ATAD2B: variants seen among roughly 807,000 people sequenced by gnomAD.
ATAD2B encodes the protein ATPase family AAA domain containing 2B.
Under a neutral mutation model 167.6 loss-of-function variants are expected in ATAD2B, and 40 were observed. That is an observed-to-expected ratio of 0.24 (90% CI 0.19 to 0.31). ATAD2B has a LOEUF of 0.31. ATAD2B is among the 10% of genes least tolerant of loss of function. The pLI is 1.00. For synonymous variants in ATAD2B, 579 were observed against 596.5 expected (o/e 0.97, Z 0.43); for missense variants, 1,242 against 1,757.2 (o/e 0.71, Z 5.24).
chr2:23,810,566 C>G (rs1572858676), intron 17 of ATAD2B, 64 bp from the exon 18 acceptor site: 3 of 1,385,692 alleles, frequency 2.2e-6, no homozygotes, highest in Non-Finnish European at 2.0e-6. Context: ...TATGAAATAT[C>G]AGGCAAAATT....
intron 18 of ATAD2B, among the ~76,000 whole-genome samples, chr2:23,802,555 T>C (rs1409486554): frequency 2.6e-5 from 4 of 152,010 alleles, no homozygotes; most frequent in Non-Finnish European, 5.9e-5. Context: ...CTTTTTCTAA[T>C]ATTTTCATTC....
At chr2:23,731,752 T>C in the ATAD2B span, among the ~76,000 whole-genome samples, 1 of 152,214 alleles carries the variant, frequency 6.6e-6, no homozygotes, top group Non-Finnish European at 1.5e-5. Flanking sequence ...CTCAAGCACT[T>C]TGGGATTGAG....
At chr2:23,844,818 AAAT>A (rs1157546097) in intron 13 of ATAD2B, among the ~76,000 whole-genome samples, 1 of 152,116 alleles carries the variant, frequency 6.6e-6, no homozygotes, top group African/African-American at 2.4e-5. Context: ...ACGACAGAAA[AAAT>A]AATGAAGAAA....
chr2:23,888,889 G>A (rs1160874440), intron 2 of ATAD2B, among the ~76,000 whole-genome samples: 3 of 152,042 alleles, frequency 2.0e-5, no homozygotes, highest in African/African-American at 7.3e-5. Flanking sequence ...CTGATTTATC[G>A]AAAGAGCCAT....
rs201394537 is a variant in ATAD2B at position 23,760,607 on chromosome 2, C to T, written c.3394+1602G>A. ...GAACCTGAGGAGGCGGAGGTTGCAGCGAGCCAAGACTGAGCCACTGCACTC... is the reference window on the plus strand; with the variant it reads ...GAACCTGAGGAGGCGGAGGTTGCAGTGAGCCAAGACTGAGCCACTGCACTC... On this transcript the variant is annotated intron_variant, in intron 24 of 27. Coordinates refer to ENST00000238789, the MANE Select transcript of ATAD2B (RefSeq NM_017552.4). Among the ~76,000 whole-genome samples, 129 of 150,622 alleles carry T rather than the reference C, an allele frequency of 8.6e-4. 1 individual carries two copies. The East Asian group carries it at 0.02, about 23-fold the overall frequency.
At chr2:23,746,216 A>AAGC (rs1674872671), downstream of ATAD2B, among the ~76,000 whole-genome samples, 1 of 152,188 alleles carries the variant, frequency 6.6e-6, no homozygotes, top group Non-Finnish European at 1.5e-5. Context: ...CCCCCACAAG[A>AAGC]AGCAGTCAAG....
chr2:23,795,294 C>T, intron 19 of ATAD2B, among the ~76,000 whole-genome samples: 1 of 152,046 alleles, frequency 6.6e-6, no homozygotes, highest in East Asian at 1.9e-4. Flanking sequence ...TTTTTTAAAA[C>T]AATACATTTA....
intron 16 of ATAD2B, among the ~76,000 whole-genome samples, chr2:23,822,276 T>G (rs2149647589): frequency 6.6e-6 from 1 of 152,326 alleles, no homozygotes; most frequent in South Asian, 2.1e-4. Flanking sequence ...GACTCACATC[T>G]CTAATCCCAG....
chr2:23,799,570 C>CAAAAAAAAAAAAA (rs763947000), intron 18 of ATAD2B, among the ~76,000 whole-genome samples: 1 of 40,540 alleles, frequency 2.5e-5, no homozygotes, highest in African/African-American at 9.5e-5. Context: ...GACTCCATCT[C>CAAAAAAAAAAAAA]AAAAAAAAAA....
At chr2:23,904,488 A>C (rs893944560) in intron 1 of ATAD2B, among the ~76,000 whole-genome samples, 5 of 152,026 alleles carry the variant, frequency 3.3e-5, no homozygotes, top group Non-Finnish European at 7.4e-5. Flanking sequence ...AAAGTGTCAG[A>C]ATTAAAAAAG....
Position 23,895,871 on chromosome 2 carries a change from A to G in ATAD2B, c.316T>C (p.Ser106Pro). Residue 106 changes from serine to proline, a missense_variant, in exon 2 of 28, where the codon TCA becomes CCA. By Grantham distance (74) the Ser-to-Pro change is moderately conservative. This residue lies in a region of ATAD2B where 199 missense variants were observed against 194.9 expected (regional missense o/e 1.02). Transcript: ENST00000238789. ...PDSVCKDKSKSRSTGQREEWN... is the reference protein window; with the variant it reads ...PDSVCKDKSKPRSTGQREEWN... The stretch of plus-strand genomic sequence containing the variant: ...TCCTCTCGCTGACCAGTACTTCGTG[A>G]TTTTGATTTGTCTTTGCAAACAGAA... The G allele has an allele frequency of 6.2e-7, 1 of 1,613,308 alleles. No homozygotes were observed. Among genetic ancestry groups the G allele is most frequent in the Non-Finnish European group, 8.5e-7 (1 of 1,179,496 alleles).
intron 1 of ATAD2B, among the ~76,000 whole-genome samples, chr2:23,920,813 T>A (rs753681217): frequency 6.6e-6 from 1 of 152,222 alleles, no homozygotes; most frequent in Admixed American, 6.5e-5. Flanking sequence ...CAATTTTTTT[T>A]ACTCAGTAAC....
intron 5 of ATAD2B, among the ~76,000 whole-genome samples, 182 bp from the exon 6 acceptor site, chr2:23,885,055 C>A (rs903544200): frequency 6.6e-6 from 1 of 152,114 alleles, no homozygotes; most frequent in Non-Finnish European, 1.5e-5. Context: ...AAAACACTTA[C>A]AATAAACTTA....
chr2:23,781,329 C>CAAAA (rs1338978418), intron 22 of ATAD2B, among the ~76,000 whole-genome samples: 98 of 136,244 alleles, frequency 7.2e-4, no homozygotes, highest in Admixed American at 2.7e-3. Context: ...GTCCTGACCA[C>CAAAA]AAAAAAATAA....
At chr2:23,735,291 A>C in the ATAD2B span, among the ~76,000 whole-genome samples, 1 of 151,714 alleles carries the variant, frequency 6.6e-6, no homozygotes, top group African/African-American at 2.4e-5. Flanking sequence ...TTGGCCCTTT[A>C]AACTCAATAC....
chr2:23,831,617 C>G (rs760176953), intron 14 of ATAD2B, among the ~76,000 whole-genome samples: 1 of 152,112 alleles, frequency 6.6e-6, no homozygotes, highest in South Asian at 2.1e-4. Flanking sequence ...CTGAAGCAAT[C>G]AGAAAAAAAC....
At position 23,754,846 on chromosome 2, in the gene ATAD2B, T is replaced by C. The variant is rs540663180; in HGVS notation, c.4079-72A>G. 2.1e-6 allele frequency: 3 copies of C among 1,440,172 alleles called. No individual in the cohort carries two copies. The African/African-American group carries it at 4.3e-5, about 21-fold the overall frequency. The allele number at this position is 1,440,172 out of a possible 1,614,324, so 89.2% of individuals were successfully genotyped here. A position where few individuals can be genotyped will look rare whatever the true frequency, so the allele number is the denominator to read the frequency against. On this transcript the variant is annotated intron_variant, in intron 25 of 27. Coordinates refer to ENST00000238789, the MANE Select transcript of ATAD2B (RefSeq NM_017552.4). The stretch of plus-strand genomic sequence containing the variant: ...AAAACCAGTCTTAAGCAGTTATAAA[T>C]TCTTTTACCTACCACACAAATCCCT...
chr2:23,773,636 G>A lies in ATAD2B; in HGVS notation c.3134-8008C>T, dbSNP rs963129709. Among the ~76,000 whole-genome samples, 3 of 152,164 alleles carry A rather than the reference G, an allele frequency of 2.0e-5. No homozygotes were observed. In the East Asian group the frequency reaches 5.8e-4, roughly 29 times the overall value. On this transcript the variant is annotated intron_variant, in intron 22 of 27. Coordinates refer to ENST00000238789, the MANE Select transcript of ATAD2B (RefSeq NM_017552.4). ...AAACTCTAGGTTTAAAATTGTGTGG[G>A]AATAGAAACTATATATTTATGAGTT...
intron 19 of ATAD2B, among the ~76,000 whole-genome samples, chr2:23,793,068 T>C (rs1227028720): frequency 6.6e-6 from 1 of 150,992 alleles, no homozygotes; most frequent in African/African-American, 2.4e-5. Flanking sequence ...ATTAAAACAG[T>C]TCCCTTGTAT....
Sources: allele counts gnomAD v4.1 joint callset (sites outside exome capture counted in the v4.1 genomes callset), GRCh38; gene constraint gnomAD v4.1.1; regional missense constraint gnomAD v4.1.1; transcripts MANE v1.5; gene names NCBI Gene and HGNC (gene_info 2026-07-23, HGNC 2026-07-21).